Variants in THOC7 observed in about 807,000 individuals in gnomAD.
THOC7 encodes the protein THO complex subunit 7.
A neutral mutation model predicts 33.1 loss-of-function variants in THOC7; 22 were observed. The ratio of observed to expected loss-of-function variants is 0.66; its 90% CI spans 0.47 to 0.95. The LOEUF (loss-of-function observed/expected upper bound fraction) is 0.95, where lower values mean the gene tolerates loss of function less well. THOC7 is among the 40% of genes least tolerant of loss of function. The pLI is 0.00. For missense variants in THOC7, 184 were observed against 245.3 expected (o/e 0.75, Z 1.67); for synonymous variants, 77 against 76.8 (o/e 1.00, Z -0.01).
intron 1 of THOC7, chr3:63,846,259 C>G (rs1388157311): frequency 4.5e-6 from 2 of 443,176 alleles, no homozygotes; most frequent in Non-Finnish European, 9.1e-6. Flanking sequence ...AGAGAATCGT[C>G]TGAAAAATCA....
At chr3:63,835,429 G>A (rs578009054) in intron 5 of THOC7, 39 bp from the exon 6 acceptor site, 34 of 1,587,124 alleles carry the variant, frequency 2.1e-5, no homozygotes, top group Non-Finnish European at 2.8e-5. Context: ...TGCTGAATGG[G>A]GGAGAAGAGT....
At chr3:63,844,807 C>T (rs2107139022) in intron 1 of THOC7, among the ~76,000 whole-genome samples, 1 of 152,276 alleles carries the variant, frequency 6.6e-6, no homozygotes, top group East Asian at 1.9e-4. Context: ...CCCTCTAGAA[C>T]CATAAGTCAA....
chr3:63,835,780 T>G (rs1266626357), intron 5 of THOC7, among the ~76,000 whole-genome samples: 3 of 152,102 alleles, frequency 2.0e-5, no homozygotes, highest in Admixed American at 1.3e-4. Flanking sequence ...CTGGGCCTTT[T>G]TATCTCCTCT....
chr3:63,839,513 G>A (rs1701710521), intron 2 of THOC7, 143 bp downstream of exon 2: 1 of 747,008 alleles, frequency 1.3e-6, no homozygotes, highest in African/African-American at 1.8e-5. Context: ...AAAAGGCCAA[G>A]AAAATCTACT....
intron 4 of THOC7, among the ~76,000 whole-genome samples, chr3:63,836,909 G>A (rs964197066): frequency 1.3e-5 from 2 of 151,676 alleles, no homozygotes; most frequent in African/African-American, 2.4e-5. Flanking sequence ...GAAGTGATGA[G>A]TGGCAGGATT....
intron 1 of THOC7, among the ~76,000 whole-genome samples, chr3:63,856,011 A>T (rs1180899194): frequency 6.6e-6 from 1 of 152,218 alleles, no homozygotes; most frequent in Non-Finnish European, 1.5e-5. Context: ...AATTATTCCC[A>T]CAAGTACGCG....
chr3:63,852,250 C>T (rs944217229), intron 1 of THOC7, among the ~76,000 whole-genome samples: 3 of 152,052 alleles, frequency 2.0e-5, no homozygotes, highest in South Asian at 2.1e-4. Context: ...GACAGAGACC[C>T]GTCAAAGGGG....
chr3:63,843,483 G>A (rs1314150654), intron 1 of THOC7, among the ~76,000 whole-genome samples: 2 of 152,198 alleles, frequency 1.3e-5, no homozygotes, highest in Non-Finnish European at 2.9e-5. Context: ...TACTGGTTAT[G>A]TGTCCAAAGG....
At chr3:63,857,121 G>A (rs1340809420) in intron 1 of THOC7, among the ~76,000 whole-genome samples, 1 of 152,174 alleles carries the variant, frequency 6.6e-6, no homozygotes. Flanking sequence ...AAACTCAGGA[G>A]TCAGGCTCCA....
chr3:63,837,501 C>G (rs991335383), intron 4 of THOC7, among the ~76,000 whole-genome samples: 85 of 152,090 alleles, frequency 5.6e-4, no homozygotes, highest in African/African-American at 1.9e-3. Context: ...ATTAGATATT[C>G]TAGGCAGTCT....
At chr3:63,847,548 C>T (rs1701924065) in intron 1 of THOC7, among the ~76,000 whole-genome samples, 1 of 152,058 alleles carries the variant, frequency 6.6e-6, no homozygotes, top group South Asian at 2.1e-4. Context: ...ACCAGGCTGG[C>T]CAACAAGGCG....
intron 1 of THOC7, among the ~76,000 whole-genome samples, chr3:63,841,105 C>G (rs191581593): frequency 3.4e-4 from 51 of 152,226 alleles, no homozygotes; most frequent in Non-Finnish European, 7.4e-5. Flanking sequence ...TGCAGATATA[C>G]TGATACCAAA....
intron 1 of THOC7, among the ~76,000 whole-genome samples, chr3:63,850,394 T>C (rs571706547): frequency 6.6e-6 from 1 of 151,112 alleles, no homozygotes; most frequent in East Asian, 2.0e-4. Flanking sequence ...AGAGTCAGGG[T>C]TTCACCATTT....
At chr3:63,857,541 T>C (rs1056684766) in intron 1 of THOC7, among the ~76,000 whole-genome samples, 4 of 152,232 alleles carry the variant, frequency 2.6e-5, no homozygotes, top group South Asian at 2.1e-4. Flanking sequence ...TATTAGCCCA[T>C]TGTGTTACAT....
intron 1 of THOC7, among the ~76,000 whole-genome samples, chr3:63,841,304 T>C (rs1350598890): frequency 6.6e-6 from 1 of 152,218 alleles, no homozygotes; most frequent in African/African-American, 2.4e-5. Context: ...TTATTTCTGG[T>C]AAGAGGGACT....
Position 63,838,047 on chromosome 3 carries a change from C to T in THOC7, c.281G>A (p.Gly94Glu). ...GCACTCAGCAATTTTTTCATGTGCT[C>T]CAGCTATGCTACATTCTATATGAGA... ...IYKEIECSIA[G>E]AHEKIAECKK... Residue 94 changes from glycine to glutamate, a missense_variant, in exon 4 of 8, where the codon GGA (glycine) becomes GAA (glutamate). By Grantham distance (98) the Gly-to-Glu change is moderately conservative (BLOSUM62 -2). Coordinates refer to ENST00000295899, the MANE Select transcript of THOC7 (RefSeq NM_025075.4). 3.1e-6 allele frequency: 5 copies of T among 1,607,712 alleles called. No homozygotes were observed. Among genetic ancestry groups the T allele is most frequent in the Non-Finnish European group, 4.2e-6 (5 of 1,177,578 alleles).
In THOC7 at chr3:63,845,181, GTAT is replaced by G. The variant is rs201937070; in HGVS notation, c.20-5411_20-5409del. The G allele has an allele frequency of 4.0e-3, 2,029 of 504,234 alleles. 37 individuals are homozygous for G. The highest frequency in any genetic ancestry group is 0.034 in the African/African-American group (1,795 of 52,552). The allele number at this position is 504,234 out of a possible 1,614,324, so 31.2% of individuals were successfully genotyped here. On this transcript the variant is annotated intron_variant, in intron 1 of 7. Coordinates refer to ENST00000295899, the MANE Select transcript of THOC7 (RefSeq NM_025075.4). ...CAGATCTGAGCTCTGCTCTCTTTAA[GTAT>G]TTAAGCTCGCTGATATCTTTGGCTT...
chr3:63,839,851 T>A (rs1701722325), intron 1 of THOC7, 78 bp from the exon 2 acceptor site: 1 of 1,195,234 alleles, frequency 8.4e-7, no homozygotes, highest in Non-Finnish European at 1.2e-6. Flanking sequence ...ACTGTTCATT[T>A]GTTTATTCAA....
Position 63,835,409 on chromosome 3 carries a change from T to G in THOC7, c.411-19A>C. On this transcript the variant is annotated intron_variant, in intron 5 of 7. Transcript: ENST00000295899. The stretch of plus-strand genomic sequence containing the variant: ...TAGTTCCCTGGAAATAATAAAACAG[T>G]GTTACATTTTGCTGAATGGGGGAGA... 6.2e-7 allele frequency: 1 copy of G among 1,611,192 alleles called. No individual in the cohort carries two copies. The highest frequency in any genetic ancestry group is 8.5e-7 in the Non-Finnish European group (1 of 1,178,622).
Sources: allele counts gnomAD v4.1 joint callset (sites outside exome capture counted in the v4.1 genomes callset), GRCh38; gene constraint gnomAD v4.1.1; transcripts MANE v1.5; gene names NCBI Gene and HGNC (gene_info 2026-07-23, HGNC 2026-07-21).